Variants in FZR1 observed in about 807,000 individuals in gnomAD.
The protein encoded by FZR1 is fizzy and cell division cycle 20 related 1.
Under a neutral mutation model 63.6 loss-of-function variants are expected in FZR1, and 11 were observed. The observed-to-expected ratio is 0.17, with a 90% confidence interval of 0.11 to 0.29. FZR1 has a LOEUF of 0.29. FZR1 is among the 10% of genes least tolerant of loss of function. The probability of loss-of-function intolerance (pLI) is 1.00; values close to 1 mark genes in which losing one functional copy is unlikely to be tolerated. For synonymous variants in FZR1, 328 were observed against 297.9 expected, an observed-to-expected ratio of 1.10 and a Z score of -1.04; for missense variants, 440 against 687.5, an observed-to-expected ratio of 0.64 and a Z score of 4.03.
chr19:3,506,851 C>T (rs2082987381), intron 1 of FZR1, among the ~76,000 whole-genome samples: 1 of 152,176 alleles, frequency 6.6e-6, no homozygotes. Flanking sequence ...GAACAGCAGA[C>T]CCCGCCTCCT....
Position 3,530,779 on chromosome 19 carries a change from C to T in FZR1, c.655-13C>T, listed in dbSNP as rs146056437. 2.3e-5 allele frequency: 37 copies of T among 1,608,938 alleles called. No individual in the cohort carries two copies. The African/African-American group carries it at 4.5e-4, about 20-fold the overall frequency. ...AGACCAGCGGCAAAGCTCACACTGA[C>T]CTCTGCCTCCAGGTGACGCGGCTCT... On this transcript the variant is annotated splice_polypyrimidine_tract_variant and intron_variant, in intron 7 of 13. Coordinates refer to ENST00000441788, the MANE Select transcript of FZR1 (RefSeq NM_016263.4).
chr19:3,517,326 G>T (rs1322236305), intron 1 of FZR1, among the ~76,000 whole-genome samples: 1 of 152,068 alleles, frequency 6.6e-6, no homozygotes, highest in African/African-American at 2.4e-5. Flanking sequence ...GGAGGCAAAG[G>T]CTGCAGTAAG....
chr19:3,520,023 G>C (rs1022447107), intron 1 of FZR1, among the ~76,000 whole-genome samples: 5 of 152,090 alleles, frequency 3.3e-5, no homozygotes, highest in Non-Finnish European at 5.9e-5. Flanking sequence ...AATCAGTCCC[G>C]GGGGGCCCCA....
At chr19:3,519,717 T>G (rs898985650) in intron 1 of FZR1, among the ~76,000 whole-genome samples, 17 of 152,214 alleles carry the variant, frequency 1.1e-4, no homozygotes, top group South Asian at 2.1e-4. Context: ...GACTGAGCAC[T>G]GCACTTCCGA....
chr19:3,513,581 A>G (rs1193169097), intron 1 of FZR1, among the ~76,000 whole-genome samples: 2 of 152,198 alleles, frequency 1.3e-5, no homozygotes, highest in Non-Finnish European at 2.9e-5. Flanking sequence ...AGTCAAGCAC[A>G]CTGAGTGCTT....
At position 3,532,191 on chromosome 19, in the gene FZR1, G is replaced by A. The variant is rs988622964; in HGVS notation, c.1008+96G>A. On this transcript the variant is annotated intron_variant, in intron 10 of 13. Coordinates refer to ENST00000441788, the MANE Select transcript of FZR1 (RefSeq NM_016263.4). ...AGCCTGGGCTGGGGCGGGCGCGGGC[G>A]CGGGGCCCACTCCACAGCCATCAGC... 1.4e-4 allele frequency: 167 copies of A among 1,205,996 alleles called. 2 individuals carry two copies. Among genetic ancestry groups the A allele is most frequent in the East Asian group, 3.1e-4 (12 of 38,998 alleles). The allele number at this position is 1,205,996 out of a possible 1,614,324, so 74.7% of individuals were successfully genotyped here. A position where few individuals can be genotyped will look rare whatever the true frequency, so the allele number is the denominator to read the frequency against.
At chr19:3,523,744 C>T (rs564552370) in intron 2 of FZR1, among the ~76,000 whole-genome samples, 34 of 152,358 alleles carry the variant, frequency 2.2e-4, no homozygotes, top group Admixed American at 2.2e-3. Flanking sequence ...CATGGGCTGG[C>T]CTGCATAGAC....
rs1249376103 is a variant in FZR1, at chr19:3,525,159, C to T, written c.70-709C>T. Reference sequence around the variant, plus strand: ...TGTCTTGTGCCGTCAAGGCCTGCGTCTGTGATCATCTAGAGACGGTGAATG... The same window carrying T: ...TGTCTTGTGCCGTCAAGGCCTGCGTTTGTGATCATCTAGAGACGGTGAATG... On this transcript the variant is annotated intron_variant, in intron 2 of 13. Coordinates refer to ENST00000441788, the MANE Select transcript of FZR1 (RefSeq NM_016263.4). The surrounding 1 kb of genome is among the most constrained non-coding windows in gnomAD (Gnocchi z 4.2). 6.6e-6 allele frequency among the ~76,000 whole-genome samples: 1 copy of T among 152,182 alleles called. No individual in the cohort carries two copies. The highest frequency in any genetic ancestry group is 2.4e-5 in the African/African-American group (1 of 41,440).
At position 3,529,131 on chromosome 19, in the gene FZR1, TGG is replaced by T. The variant is rs1432444261; in HGVS notation, c.654+1319_654+1320del. Among the ~76,000 whole-genome samples, 428 of 131,738 alleles carry T rather than the reference TGG, an allele frequency of 3.2e-3. 10 individuals carry two copies. The highest frequency in any genetic ancestry group is 0.022 in the South Asian group (82 of 3,770). The allele number at this position is 131,738 out of a possible 152,430, so 86.4% of individuals were successfully genotyped here. A position where few individuals can be genotyped will look rare whatever the true frequency, so the allele number is the denominator to read the frequency against. ...ATGGGAGAGCGGATGGGAGAGCGGA[TGG>T]GAGAGCGGATGGGAGAGCGGATGGG... On this transcript the variant is annotated intron_variant, in intron 7 of 13. Transcript: ENST00000441788.
intron 1 of FZR1, among the ~76,000 whole-genome samples, chr19:3,513,069 T>C (rs754383205): frequency 2.6e-5 from 4 of 152,082 alleles, no homozygotes; most frequent in Non-Finnish European, 5.9e-5. Context: ...GGGGGCTCTC[T>C]GGGAGGGCAC....
chr19:3,507,826 C>T (rs759186240), intron 1 of FZR1, among the ~76,000 whole-genome samples: 5 of 152,238 alleles, frequency 3.3e-5, no homozygotes, highest in Non-Finnish European at 5.9e-5. Flanking sequence ...CCTCCTGTGT[C>T]AGGGGCCCGT....
At position 3,526,032 on chromosome 19, in the gene FZR1, AAGCCC is replaced by A. The variant is rs1455829529; in HGVS notation, c.195+42_195+46del. The stretch of plus-strand genomic sequence containing the variant: ...TGGGCAGGAGATGGGACCCCCCGGG[AAGCCC>A]AGGGCCCCTCCCAGCCTCCTTGCTC... On this transcript the variant is annotated intron_variant, in intron 3 of 13. Transcript: ENST00000441788. The surrounding 1 kb of genome is among the most constrained non-coding windows in gnomAD (Gnocchi z 5.4). 20 of 1,611,466 alleles carry A rather than the reference AAGCCC, an allele frequency of 1.2e-5. No homozygotes were observed. The highest frequency in any genetic ancestry group is 1.6e-5 in the Non-Finnish European group (19 of 1,179,310).
rs1189406316 is a variant in FZR1 at position 3,530,283 on chromosome 19, T to TGGGAGAGCGCAG, written c.655-499_655-488dup. Among the ~76,000 whole-genome samples, 7 of 124,720 alleles carry TGGGAGAGCGCAG rather than the reference T, an allele frequency of 5.6e-5. 1 individual carries two copies. The highest frequency in any genetic ancestry group is 1.3e-4 in the African/African-American group (4 of 30,466). The allele number at this position is 124,720 out of a possible 152,430, so 81.8% of individuals were successfully genotyped here. The stretch of plus-strand genomic sequence containing the variant: ...ATGGGAGAGCGGATGGGAGAGCGGA[T>TGGGAGAGCGCAG]GGGAGAGCGCAGGGGAGAGCGGAGG... On this transcript the variant is annotated intron_variant, in intron 7 of 13. Transcript: ENST00000441788.
At chr19:3,511,697 A>G (rs572724411) in intron 1 of FZR1, among the ~76,000 whole-genome samples, 2 of 152,300 alleles carry the variant, frequency 1.3e-5, no homozygotes, top group South Asian at 4.1e-4. Context: ...CGGCGTGAGT[A>G]AATGAATGAA....
intron 1 of FZR1, among the ~76,000 whole-genome samples, chr19:3,511,069 G>A (rs750709048): frequency 1.3e-5 from 2 of 152,228 alleles, no homozygotes; most frequent in Non-Finnish European, 2.9e-5. Flanking sequence ...ACCTGATGGC[G>A]CTCCATCCGA....
chr19:3,531,516 T>C (rs1168843627), intron 8 of FZR1, among the ~76,000 whole-genome samples, 198 bp from the exon 9 acceptor site: 1 of 152,342 alleles, frequency 6.6e-6, no homozygotes, highest in South Asian at 2.1e-4. Flanking sequence ...AGGCGCAGTG[T>C]GTGCGGGGTG....
rs2083146952 is a variant in FZR1, at chr19:3,525,520, G to A, written c.70-348G>A. Among the ~76,000 whole-genome samples the A allele has an allele frequency of 1.5e-5, 2 of 131,526 alleles. No homozygotes were observed. Among genetic ancestry groups the A allele is most frequent in the Admixed American group, 9.8e-5 (1 of 10,192 alleles). 86.3% of individuals were successfully genotyped at this position (131,526 alleles called of 152,430 possible). A position where few individuals can be genotyped will look rare whatever the true frequency, so the allele number is the denominator to read the frequency against. ...TGCAGTGGCACAATCTTGGCTCACT[G>A]CAAGCTCCGCCTCCCAGGTTCATGC... On this transcript the variant is annotated intron_variant, in intron 2 of 13. Transcript: ENST00000441788. This position sits in a 1 kb window ranked among gnomAD's most constrained non-coding sequence, Gnocchi z 4.2.
At position 3,535,239 on chromosome 19, in the gene FZR1, A is replaced by T. The variant is rs570975237; in HGVS notation, c.*403A>T. ...CCACGTCTGCACAGAACAGACCACCAGACGCCAGGGCTGATTGGTGGGGGC... is the reference window on the plus strand; with the variant it reads ...CCACGTCTGCACAGAACAGACCACCTGACGCCAGGGCTGATTGGTGGGGGC... On this transcript the variant is annotated 3_prime_UTR_variant, in exon 14 of 14. Coordinates refer to ENST00000441788, the MANE Select transcript of FZR1 (RefSeq NM_016263.4). 6 of 210,310 alleles carry T rather than the reference A, an allele frequency of 2.9e-5. No individual in the cohort carries two copies. The East Asian group carries it at 5.8e-4, about 20-fold the overall frequency. The allele number at this position is 210,310 out of a possible 1,614,324, so 13.0% of individuals were successfully genotyped here.
intron 1 of FZR1, among the ~76,000 whole-genome samples, chr19:3,511,975 G>A (rs1255827786): frequency 6.6e-6 from 1 of 152,168 alleles, no homozygotes; most frequent in Non-Finnish European, 1.5e-5. Flanking sequence ...CCCGGCTCTG[G>A]TTCTGGTCCA....
Sources: gnomAD v4.1 joint callset for allele counts (sites outside exome capture counted in the v4.1 genomes callset) on GRCh38, gnomAD v4.1.1 for gene constraint, Gnocchi (gnomAD v3.1) non-coding constraint, MANE v1.5 for transcripts, NCBI Gene and HGNC (gene_info 2026-07-23, HGNC 2026-07-21) for gene names.